Variants in RANBP2 observed in about 807,000 individuals in gnomAD.
RANBP2 encodes the protein E3 SUMO-protein ligase RanBP2.
RANBP2 carries 57 observed loss-of-function variants against 303.6 expected under a neutral mutation model. That is an observed-to-expected ratio of 0.19 (90% CI 0.15 to 0.23). The LOEUF (loss-of-function observed/expected upper bound fraction) is 0.23. Ranked by LOEUF, RANBP2 falls within the 10% of genes least tolerant of loss-of-function variation. The pLI is 1.00. For missense variants in RANBP2, 3,138 were observed against 3,780.8 expected, an observed-to-expected ratio of 0.83 and a Z score of 4.46; for synonymous variants, 1,167 against 1,301.5, an observed-to-expected ratio of 0.90 and a Z score of 2.23.
the RANBP2 span, among the ~76,000 whole-genome samples, chr2:109,159,308 C>T: frequency 1.3e-5 from 2 of 152,198 alleles, no homozygotes; most frequent in Non-Finnish European, 2.9e-5. Flanking sequence ...TGCTGTACCG[C>T]GGTTTCCTCG....
the RANBP2 span, among the ~76,000 whole-genome samples, chr2:108,790,975 T>C: frequency 2.0e-5 from 3 of 152,254 alleles, no homozygotes; most frequent in East Asian, 5.8e-4. Context: ...TTGTCCAGGC[T>C]GATCTTGAAC....
chr2:109,188,095 C>T, the RANBP2 span, among the ~76,000 whole-genome samples: 155 of 152,364 alleles, frequency 1.0e-3, no homozygotes, highest in Non-Finnish European at 1.9e-3. Context: ...CAGATGTGTG[C>T]TCTGTGCGGT....
chr2:109,333,528 A>C, the RANBP2 span, among the ~76,000 whole-genome samples: 3 of 152,210 alleles, frequency 2.0e-5, no homozygotes, highest in Admixed American at 1.3e-4. Context: ...GTGTAAGTAA[A>C]GTTTTATTGG....
At chr2:109,283,348 A>G in the RANBP2 span, among the ~76,000 whole-genome samples, 1 of 151,988 alleles carries the variant, frequency 6.6e-6, no homozygotes, top group African/African-American at 2.4e-5. Context: ...TTGCCACCCC[A>G]TTGCCAGCCT....
the RANBP2 span, among the ~76,000 whole-genome samples, chr2:109,376,439 C>T: frequency 6.6e-6 from 1 of 152,172 alleles, no homozygotes; most frequent in African/African-American, 2.4e-5. Context: ...GGGTGGGTGG[C>T]TTGCATGGAG....
At chr2:109,431,462 A>G in the RANBP2 span, among the ~76,000 whole-genome samples, 4 of 152,354 alleles carry the variant, frequency 2.6e-5, no homozygotes, top group South Asian at 4.1e-4. Flanking sequence ...AATCTTTACA[A>G]GGAAAAGATA....
At chr2:109,664,199 A>T in the RANBP2 span, among the ~76,000 whole-genome samples, 2 of 152,140 alleles carry the variant, frequency 1.3e-5, no homozygotes, top group Admixed American at 6.5e-5. Context: ...CCATCACTCG[A>T]TTTCCGTAAA....
At chr2:109,240,477 AAAAC>A in the RANBP2 span, among the ~76,000 whole-genome samples, 2 of 152,168 alleles carry the variant, frequency 1.3e-5, no homozygotes, top group African/African-American at 2.4e-5. Context: ...GACAAACAAA[AAAAC>A]AAACAAACAA....
At chr2:109,229,864 G>A in the RANBP2 span, among the ~76,000 whole-genome samples, 13 of 137,378 alleles carry the variant, frequency 9.5e-5, no homozygotes, top group South Asian at 6.9e-4. Flanking sequence ...TCGCTCTGTT[G>A]CCCAGGCTGG....
chr2:109,236,663 C>T, the RANBP2 span, among the ~76,000 whole-genome samples: 66 of 152,272 alleles, frequency 4.3e-4, no homozygotes, highest in African/African-American at 1.5e-3. Flanking sequence ...AGATTAAAGA[C>T]GCCTAAAGGT....
At chr2:109,373,952 C>T in the RANBP2 span, among the ~76,000 whole-genome samples, 1 of 151,466 alleles carries the variant, frequency 6.6e-6, no homozygotes, top group African/African-American at 2.4e-5. Flanking sequence ...AGCAGGCTCT[C>T]TGTCATCTCT....
At chr2:109,732,855 T>C in the RANBP2 span, 4 of 1,302,468 alleles carry the variant, frequency 3.1e-6, no homozygotes, top group Non-Finnish European at 4.4e-6. Flanking sequence ...TTTGTTGAAT[T>C]TGAAGATCCC....
At chr2:108,728,944 C>G (rs969572388) in intron 1 of RANBP2, among the ~76,000 whole-genome samples, 188 bp from the exon 2 acceptor site, 2 of 151,964 alleles carry the variant, frequency 1.3e-5, no homozygotes, top group African/African-American at 4.8e-5. Flanking sequence ...GCACCCAGCT[C>G]TATTTTTTGT....
chr2:109,719,027 A>C, the RANBP2 span, among the ~76,000 whole-genome samples: 206 of 118,276 alleles, frequency 1.7e-3, 18 homozygotes, highest in East Asian at 3.7e-3. Flanking sequence ...AAAAAAAAAA[A>C]AGAAACAAAA....
At chr2:109,592,531 G>C in the RANBP2 span, among the ~76,000 whole-genome samples, 1 of 151,884 alleles carries the variant, frequency 6.6e-6, no homozygotes, top group East Asian at 1.9e-4. Context: ...TGTAATCCTA[G>C]CACTTTGGGA....
At chr2:108,771,895 A>G (rs1677527722) in intron 21 of RANBP2, 24 bp downstream of exon 21, 1 of 1,613,780 alleles carries the variant, frequency 6.2e-7, no homozygotes, top group Non-Finnish European at 8.5e-7. Context: ...TATTTCAAAA[A>G]TCCTCTGTTC....
At chr2:109,436,822 C>T in the RANBP2 span, 1 of 1,547,810 alleles carries the variant, frequency 6.5e-7, no homozygotes. Context: ...GAGCGAGGCT[C>T]TGCCAGAGGC....
the RANBP2 span, among the ~76,000 whole-genome samples, chr2:109,097,745 G>A: frequency 2.0e-5 from 3 of 146,952 alleles, no homozygotes; most frequent in Non-Finnish European, 3.0e-5. Flanking sequence ...GGGTGTGTGT[G>A]TGTGTGTGTG....
chr2:108,902,960 C>T, the RANBP2 span, among the ~76,000 whole-genome samples: 2 of 152,050 alleles, frequency 1.3e-5, no homozygotes, highest in African/African-American at 2.4e-5. Context: ...AGAAATAAAA[C>T]GGTCCCATTT....
Sources: allele counts gnomAD v4.1 joint callset (sites outside exome capture counted in the v4.1 genomes callset), GRCh38; gene constraint gnomAD v4.1.1; transcripts MANE v1.5; gene names NCBI Gene and HGNC (gene_info 2026-07-23, HGNC 2026-07-21).